Variants in SLC8A1 observed in about 807,000 individuals in gnomAD.
SLC8A1 encodes solute carrier family 8 member A1.
In SLC8A1, 18 loss-of-function variants were observed where a neutral mutation model predicts 68.3. The observed-to-expected ratio is 0.26, with a 90% confidence interval of 0.18 to 0.39. SLC8A1 has a LOEUF of 0.39. Among genes scored for constraint, SLC8A1 ranks in the 10% least tolerant of loss-of-function variants. SLC8A1 has a pLI of 1.00. For missense variants in SLC8A1, 985 were observed against 1,156.7 expected (o/e 0.85, Z 2.15); for synonymous variants, 475 against 415.5 (o/e 1.14, Z -1.74).
At chr2:40,121,187 C>T (rs1034854563) in intron 7 of SLC8A1, among the ~76,000 whole-genome samples, 1 of 152,172 alleles carries the variant, frequency 6.6e-6, no homozygotes, top group Non-Finnish European at 1.5e-5. Flanking sequence ...GCTAGATCCA[C>T]TTAATCAGAC....
rs574790635 is a variant in SLC8A1 at position 40,216,565 on chromosome 2, G to C, written c.1809-38710C>G. On this transcript the variant is annotated intron_variant, in intron 2 of 7. Coordinates refer to ENST00000406785, the Ensembl canonical transcript of SLC8A1. ...ATGGTATTTCTGATTCTAGATCCTTGAGGAATCGCCACACTGTCTTCCACA... is the reference window on the plus strand; with the variant it reads ...ATGGTATTTCTGATTCTAGATCCTTCAGGAATCGCCACACTGTCTTCCACA... 5.3e-5 allele frequency among the ~76,000 whole-genome samples: 8 copies of C among 152,254 alleles called. No individual in the cohort carries two copies. In the East Asian group the frequency reaches 7.7e-4, roughly 15 times the overall value.
At chr2:40,303,765 G>T (rs570556000) in intron 2 of SLC8A1, among the ~76,000 whole-genome samples, 6 of 152,234 alleles carry the variant, frequency 3.9e-5, no homozygotes, top group African/African-American at 1.4e-4. Context: ...AATACGAGGG[G>T]GATTCTGGGT....
chr2:40,101,423 T>C (rs1265162137), exon 8 of SLC8A1: 1 of 152,152 alleles, frequency 6.6e-6, no homozygotes, highest in African/African-American at 2.4e-5. Flanking sequence ...CAGCCAGAGC[T>C]AATCAGTTAG....
At chr2:40,481,282 T>G (rs1704613326) in intron 1 of SLC8A1, among the ~76,000 whole-genome samples, 1 of 152,252 alleles carries the variant, frequency 6.6e-6, no homozygotes. Flanking sequence ...GTTCACGCTT[T>G]TTATATCACC....
At chr2:40,173,348 A>ACT in intron 4 of SLC8A1, among the ~76,000 whole-genome samples, 1 of 152,206 alleles carries the variant, frequency 6.6e-6, no homozygotes, top group Non-Finnish European at 1.5e-5. Flanking sequence ...AGTAGTGCAC[A>ACT]GTTGGGGACA....
At chr2:40,398,498 CAGAA>C (rs1381213237) in intron 2 of SLC8A1, among the ~76,000 whole-genome samples, 12 of 152,076 alleles carry the variant, frequency 7.9e-5, no homozygotes, top group Admixed American at 7.9e-4. Flanking sequence ...TGTGGATAAA[CAGAA>C]AGAAGAAAAT....
intron 2 of SLC8A1, among the ~76,000 whole-genome samples, chr2:40,236,302 T>C (rs992191008): frequency 1.7e-4 from 26 of 152,016 alleles, no homozygotes; most frequent in African/African-American, 6.0e-4. Flanking sequence ...GGTGCATATA[T>C]ATTTAGGATA....
At chr2:40,392,245 GAAGC>G (rs148095673) in intron 2 of SLC8A1, among the ~76,000 whole-genome samples, 10,240 of 150,958 alleles carry the variant, frequency 0.068, 382 homozygotes, top group African/African-American at 0.11. Context: ...AAAGAGAAAG[GAAGC>G]AAGCAAGCAA....
intron 7 of SLC8A1, among the ~76,000 whole-genome samples, chr2:40,117,394 A>G (rs79763263): frequency 0.14 from 2,251 of 16,034 alleles, 53 homozygotes; most frequent in East Asian, 0.42. Context: ...TAAAAATACA[A>G]AAAAAAAAAA....
intron 2 of SLC8A1, among the ~76,000 whole-genome samples, chr2:40,243,154 A>T (rs994120788): frequency 2.0e-5 from 3 of 152,146 alleles, no homozygotes; most frequent in Non-Finnish European, 4.4e-5. Flanking sequence ...GGAAACCCCT[A>T]AATCTTTAAC....
chr2:40,147,078 T>C (rs1044763753), intron 6 of SLC8A1, among the ~76,000 whole-genome samples: 1 of 152,146 alleles, frequency 6.6e-6, no homozygotes, highest in African/African-American at 2.4e-5. Context: ...GCACAAGAAA[T>C]ATTTAACGTG....
At chr2:40,220,239 G>C (rs973137000) in intron 2 of SLC8A1, 13 of 152,164 alleles carry the variant, frequency 8.5e-5, no homozygotes, top group African/African-American at 3.1e-4. Context: ...GAAAACAGTG[G>C]AGAGAAGAAG....
At position 40,407,546 on chromosome 2, in the gene SLC8A1, C is replaced by T. The variant is rs184521263; in HGVS notation, c.1808+20927G>A. Reference sequence around the variant, plus strand: ...TTCATTTTATGAATTTTTAATCCTCCACCTCAGTGAACAGCCTTTCCTTCC... The same window carrying T: ...TTCATTTTATGAATTTTTAATCCTCTACCTCAGTGAACAGCCTTTCCTTCC... On this transcript the variant is annotated intron_variant, in intron 2 of 7. Coordinates refer to ENST00000406785, the Ensembl canonical transcript of SLC8A1. Among the ~76,000 whole-genome samples, 311 of 152,200 alleles carry T rather than the reference C, an allele frequency of 2.0e-3. 3 individuals carry two copies. Among genetic ancestry groups the T allele is most frequent in the Middle Eastern group, 0.01 (3 of 294 alleles).
At chr2:40,494,940 T>C (rs903995800) in intron 1 of SLC8A1, among the ~76,000 whole-genome samples, 4 of 151,662 alleles carry the variant, frequency 2.6e-5, no homozygotes, top group Non-Finnish European at 5.9e-5. Context: ...CTAGTGATAT[T>C]TTTATTATTA....
intron 1 of SLC8A1, among the ~76,000 whole-genome samples, chr2:40,474,363 A>C (rs1704158048): frequency 6.6e-6 from 1 of 152,176 alleles, no homozygotes; most frequent in African/African-American, 2.4e-5. Context: ...AGTACCAGAA[A>C]AAGAAGTTTA....
chr2:40,199,855 C>T (rs1179411486), intron 2 of SLC8A1, among the ~76,000 whole-genome samples: 3 of 151,474 alleles, frequency 2.0e-5, no homozygotes, highest in Non-Finnish European at 4.4e-5. Flanking sequence ...AAAGATTGCT[C>T]ATCAGTGGCC....
At chr2:40,197,168 T>A (rs952691504) in intron 2 of SLC8A1, among the ~76,000 whole-genome samples, 1 of 152,004 alleles carries the variant, frequency 6.6e-6, no homozygotes, top group African/African-American at 2.4e-5. Flanking sequence ...TTTGCCCCAG[T>A]TCCCATTTGG....
intron 2 of SLC8A1, among the ~76,000 whole-genome samples, chr2:40,272,141 T>C (rs2066121010): frequency 6.6e-6 from 1 of 152,166 alleles, no homozygotes; most frequent in East Asian, 1.9e-4. Flanking sequence ...AGTGCTGAGA[T>C]TACAACATGA....
intron 1 of SLC8A1, among the ~76,000 whole-genome samples, chr2:40,449,922 G>C (rs1702122322): frequency 6.6e-6 from 1 of 152,058 alleles, no homozygotes; most frequent in Admixed American, 6.6e-5. Context: ...CCATTTTAAG[G>C]GGACAAAATC....
Sources: allele counts gnomAD v4.1 joint callset (sites outside exome capture counted in the v4.1 genomes callset), GRCh38; gene constraint gnomAD v4.1.1; transcripts MANE v1.5; gene names NCBI Gene and HGNC (gene_info 2026-07-23, HGNC 2026-07-21).